Variants in COL7A1 observed in about 807,000 individuals in gnomAD.
The protein encoded by COL7A1 is collagen type VII alpha 1 chain.
In COL7A1, 296 loss-of-function variants were observed where a neutral mutation model predicts 456.2. The ratio of observed to expected loss-of-function variants is 0.65; its 90% confidence interval spans 0.59 to 0.71. COL7A1 has a LOEUF of 0.71. Ranked by LOEUF, COL7A1 falls within the 30% of genes least tolerant of loss-of-function variation. The pLI is 0.00. For synonymous variants in COL7A1, 1,464 were observed against 1,525.9 expected, an observed-to-expected ratio of 0.96 and a Z score of 0.95; for missense variants, 3,441 against 4,017.2, an observed-to-expected ratio of 0.86 and a Z score of 3.88.
rs746545309 is a variant in COL7A1, at chr3:48,574,305, C to A, written c.6458G>T (p.Gly2153Val). The change falls in exon 80 of 119, where the codon GGT becomes GTT. Residue 2153 changes from glycine to valine, a missense_variant and splice_region_variant. Physicochemically the swap from Gly to Val is moderately radical, Grantham distance 109 (BLOSUM62 -3). This residue lies in a region of COL7A1 where 2,084 missense variants were observed against 2,501.3 expected (regional missense o/e 0.83). Coordinates refer to ENST00000681320, the MANE Select transcript of COL7A1 (RefSeq NM_000094.4). The surrounding 1 kb of genome is among the most constrained non-coding windows in gnomAD (Gnocchi z 5.0). ...AGCCATACCACGCTCTCCTGGTAGA[C>A]CCTGCAGAGAATAGGTTTAAGGCCT... ...PGPRGQDGNP[G>V]LPGERGMAGP... 1.2e-6 allele frequency: 2 copies of A among 1,614,174 alleles called. No individual in the cohort carries two copies. The highest frequency in any genetic ancestry group is 1.7e-5 in the Admixed American group (1 of 60,026).
At position 48,575,771 on chromosome 3, in the gene COL7A1, A is replaced by G. The variant is rs374728682; in HGVS notation, c.5857-23T>C. ...TGCCTGAGGGACAGCAAGAGGTCAG[A>G]GGAGCGGGGTGCGTCGCCGCAGCCC... On this transcript the variant is annotated intron_variant, in intron 72 of 118. Transcript: ENST00000681320. The surrounding 1 kb of genome is among the most constrained non-coding windows in gnomAD (Gnocchi z 6.3). The G allele has an allele frequency of 6.2e-7, 1 of 1,614,062 alleles. No homozygotes were observed. The highest frequency in any genetic ancestry group is 1.1e-5 in the South Asian group (1 of 91,086).
Position 48,568,211 on chromosome 3 carries a change from T to A in COL7A1, c.7795-41A>T, listed in dbSNP as rs368184263. The A allele has an allele frequency of 1.7e-5, 28 of 1,601,684 alleles. No homozygotes were observed. The African/African-American group carries it at 3.3e-4, about 19-fold the overall frequency. ...TCCATGTGAGGTCAGAGGAGGTCAG[T>A]GAGGGACCAAAGAGAATCGCCCTGG... On this transcript the variant is annotated intron_variant, in intron 105 of 118. Transcript: ENST00000681320. The surrounding 1 kb of genome is among the most constrained non-coding windows in gnomAD (Gnocchi z 5.2).
In COL7A1 at chr3:48,569,350, G is replaced by C. The variant is rs1430281746; in HGVS notation, c.7686+25C>G. 1 of 1,613,396 alleles carries C rather than the reference G, an allele frequency of 6.2e-7. No homozygotes were observed. Among genetic ancestry groups the C allele is most frequent in the East Asian group, 2.2e-5 (1 of 44,882 alleles). ...CACCACAGCCACAGGACCCCACAGAGAGTACACCACCCTCTTCCCTGTACC... is the reference window on the plus strand; with the variant it reads ...CACCACAGCCACAGGACCCCACAGACAGTACACCACCCTCTTCCCTGTACC... On this transcript the variant is annotated intron_variant, in intron 103 of 118. Coordinates refer to ENST00000681320, the MANE Select transcript of COL7A1 (RefSeq NM_000094.4). The surrounding 1 kb of genome is among the most constrained non-coding windows in gnomAD (Gnocchi z 4.9).
In COL7A1 at chr3:48,590,926, T is replaced by G; in HGVS notation, c.1637-110A>C. 2.6e-5 allele frequency: 24 copies of G among 939,506 alleles called. No individual in the cohort carries two copies. The highest frequency in any genetic ancestry group is 3.4e-5 in the African/African-American group (2 of 58,088). The allele number at this position is 939,506 out of a possible 1,614,324, so 58.2% of individuals were successfully genotyped here. A position where few individuals can be genotyped will look rare whatever the true frequency, so the allele number is the denominator to read the frequency against. Reference sequence around the variant, plus strand: ...GTGAGAAGGGCCATGGGGGTGGGGATGTGGGGTGGTGGGGACCAGAGAGCT... The same window carrying G: ...GTGAGAAGGGCCATGGGGGTGGGGAGGTGGGGTGGTGGGGACCAGAGAGCT... On this transcript the variant is annotated intron_variant, in intron 13 of 118. Coordinates refer to ENST00000681320, the MANE Select transcript of COL7A1 (RefSeq NM_000094.4). The surrounding 1 kb of genome is among the most constrained non-coding windows in gnomAD (Gnocchi z 4.6).
chr3:48,572,361 T>A lies in COL7A1; in HGVS notation c.6978+19A>T. 6.2e-7 allele frequency: 1 copy of A among 1,614,020 alleles called. No homozygotes were observed. The highest frequency in any genetic ancestry group is 1.1e-5 in the South Asian group (1 of 91,084). On this transcript the variant is annotated intron_variant, in intron 90 of 118. Transcript: ENST00000681320. This position sits in a 1 kb window ranked among gnomAD's most constrained non-coding sequence, Gnocchi z 4.6. Reference sequence around the variant, plus strand: ...GACAGGACCCCCAGAACATCTGCTGTCAGAAGTTCCCTACTTACCGGCTCA... The same window carrying A: ...GACAGGACCCCCAGAACATCTGCTGACAGAAGTTCCCTACTTACCGGCTCA...
intron 37 of COL7A1, 87 bp downstream of exon 37, chr3:48,584,211 C>T: frequency 1.9e-6 from 3 of 1,547,472 alleles, no homozygotes; most frequent in Non-Finnish European, 2.6e-6. Context: ...CAAAGGGTCA[C>T]AAGGGCCAGA....
rs767581948 is a variant in COL7A1, at chr3:48,572,054, A to G, written c.7024-9T>C. 6 of 1,612,954 alleles carry G rather than the reference A, an allele frequency of 3.7e-6. No individual in the cohort carries two copies. The highest frequency in any genetic ancestry group is 5.1e-6 in the Non-Finnish European group (6 of 1,179,566). On this transcript the variant is annotated splice_polypyrimidine_tract_variant and intron_variant, in intron 91 of 118. Coordinates refer to ENST00000681320, the MANE Select transcript of COL7A1 (RefSeq NM_000094.4). This position sits in a 1 kb window ranked among gnomAD's most constrained non-coding sequence, Gnocchi z 4.6. The stretch of plus-strand genomic sequence containing the variant: ...GCACGGCCAGCTTCACCCTGCACAG[A>G]ATGGCAGGTGAGGGGTGTCTGGACT...
In COL7A1 at chr3:48,579,176, G is replaced by A. The variant is rs757363875; in HGVS notation, c.5388+21C>T. 1.2e-6 allele frequency: 2 copies of A among 1,612,242 alleles called. No homozygotes were observed. The highest frequency in any genetic ancestry group is 8.5e-7 in the Non-Finnish European group (1 of 1,179,622). ...AAGGGGTAGGGGAAGGGGACAACCA[G>A]GCAGGACTACCAAGACTCACATTCG... On this transcript the variant is annotated intron_variant, in intron 62 of 118. Coordinates refer to ENST00000681320, the MANE Select transcript of COL7A1 (RefSeq NM_000094.4). This position sits in a 1 kb window ranked among gnomAD's most constrained non-coding sequence, Gnocchi z 4.4.
In COL7A1 at chr3:48,564,708, C is replaced by T; in HGVS notation, c.8818+75G>A. Reference sequence around the variant, plus strand: ...AGGACCCTGACCTGGAACCCTGGCCCAAGGACTCCTCCCCCAGAACCCGAT... The same window carrying T: ...AGGACCCTGACCTGGAACCCTGGCCTAAGGACTCCTCCCCCAGAACCCGAT... On this transcript the variant is annotated intron_variant, in intron 118 of 118. Coordinates refer to ENST00000681320, the MANE Select transcript of COL7A1 (RefSeq NM_000094.4). This position sits in a 1 kb window ranked among gnomAD's most constrained non-coding sequence, Gnocchi z 6.0. The T allele has an allele frequency of 1.3e-6, 2 of 1,509,200 alleles. No homozygotes were observed. Among genetic ancestry groups the T allele is most frequent in the Non-Finnish European group, 9.0e-7 (1 of 1,111,834 alleles). The allele number at this position is 1,509,200 out of a possible 1,614,324, so 93.5% of individuals were successfully genotyped here.
In COL7A1 at chr3:48,580,866, C is replaced by G. The variant is rs750246078; in HGVS notation, c.4980+16G>C. ...ACCTCCCATCACCCCTGTTACTTCT[C>G]TCTGCCAAGACTCACCCGAAGGCCA... On this transcript the variant is annotated intron_variant, in intron 54 of 118. Transcript: ENST00000681320. This position sits in a 1 kb window ranked among gnomAD's most constrained non-coding sequence, Gnocchi z 4.5. The G allele has an allele frequency of 9.9e-6, 16 of 1,614,134 alleles. No homozygotes were observed. The highest frequency in any genetic ancestry group is 1.4e-5 in the Non-Finnish European group (16 of 1,180,040).
At position 48,567,613 on chromosome 3, in the gene COL7A1, C is replaced by A; in HGVS notation, c.8007G>T (p.Gln2669His). ...GGCCCTCCTTGCCAGGGGCCCCCGACTGGCCCGGCACACCAGGCTCCCCCT... is the reference window on the plus strand; with the variant it reads ...GGCCCTCCTTGCCAGGGGCCCCCGAATGGCCCGGCACACCAGGCTCCCCCT... ...GEMGEPGVPGQSGAPGKEGLI... is the reference protein window; with the variant it reads ...GEMGEPGVPGHSGAPGKEGLI... The change falls in exon 109 of 119, where the codon CAG (glutamine) becomes CAT (histidine). Residue 2669 changes from glutamine (Q) to histidine (H), a missense_variant. This residue lies in a region of COL7A1 where 2,084 missense variants were observed against 2,501.3 expected (regional missense o/e 0.83). Coordinates refer to ENST00000681320, the MANE Select transcript of COL7A1 (RefSeq NM_000094.4). This position sits in a 1 kb window ranked among gnomAD's most constrained non-coding sequence, Gnocchi z 4.3. 1.2e-6 allele frequency: 2 copies of A among 1,614,104 alleles called. No individual in the cohort carries two copies. Among genetic ancestry groups the A allele is most frequent in the Non-Finnish European group, 1.7e-6 (2 of 1,180,018 alleles).
rs561664783 is a variant in COL7A1 at position 48,574,562 on chromosome 3, G to A, written c.6394-12C>T. 4 of 1,613,920 alleles carry A rather than the reference G, an allele frequency of 2.5e-6. No homozygotes were observed. The African/African-American group carries it at 4.0e-5, about 16-fold the overall frequency. ...ATGCCTGGCACACCCTGAAGGCAGA[G>A]TGTCGTGCCCTGAGCCCCCAGTCCC... On this transcript the variant is annotated splice_polypyrimidine_tract_variant and intron_variant, in intron 78 of 118. Coordinates refer to ENST00000681320, the MANE Select transcript of COL7A1 (RefSeq NM_000094.4). This position sits in a 1 kb window ranked among gnomAD's most constrained non-coding sequence, Gnocchi z 5.0.
chr3:48,581,906 C>T lies in COL7A1; in HGVS notation c.4668+5G>A. The T allele has an allele frequency of 2.5e-6, 4 of 1,614,086 alleles. No individual in the cohort carries two copies. Among genetic ancestry groups the T allele is most frequent in the Non-Finnish European group, 3.4e-6 (4 of 1,180,026 alleles). On this transcript the variant is annotated splice_donor_5th_base_variant and intron_variant, in intron 48 of 118. Transcript: ENST00000681320. The surrounding 1 kb of genome is among the most constrained non-coding windows in gnomAD (Gnocchi z 5.8). Reference sequence around the variant, plus strand: ...AAACCTCCCCTTGCCCCATACCAGGCTTACCTTTTCTCCTTTGGGTCCAGC... The same window carrying T: ...AAACCTCCCCTTGCCCCATACCAGGTTTACCTTTTCTCCTTTGGGTCCAGC...
chr3:48,567,730 C>T lies in COL7A1; in HGVS notation c.7963G>A (p.Ala2655Thr). Residue 2655 changes from alanine to threonine, a missense_variant, in exon 108 of 119, where the codon GCA becomes ACA. By Grantham distance (58) the Ala-to-Thr change is moderately conservative. This residue lies in a region of COL7A1 where 2,084 missense variants were observed against 2,501.3 expected (regional missense o/e 0.83). Coordinates refer to ENST00000681320, the MANE Select transcript of COL7A1 (RefSeq NM_000094.4). The surrounding 1 kb of genome is among the most constrained non-coding windows in gnomAD (Gnocchi z 4.3). ...EAGPPGRPGL[A>T]GHKGEMGEPG... is the part of the protein sequence containing the mutation. Reference sequence around the variant, plus strand: ...CTCACCATCTCTCCTTTGTGTCCTGCCAGCCCGGGGCGGCCTGGGGGACCA... The same window carrying T: ...CTCACCATCTCTCCTTTGTGTCCTGTCAGCCCGGGGCGGCCTGGGGGACCA... The T allele has an allele frequency of 6.2e-7, 1 of 1,614,154 alleles. No homozygotes were observed. Among genetic ancestry groups the T allele is most frequent in the South Asian group, 1.1e-5 (1 of 91,084 alleles).
chr3:48,582,066 C>G, intron 47 of COL7A1, 123 bp from the exon 48 acceptor site: 1 of 1,430,632 alleles, frequency 7.0e-7, no homozygotes, highest in South Asian at 1.2e-5. Flanking sequence ...CCAGAAGTCA[C>G]AGAGTCACCG....
At position 48,573,736 on chromosome 3, in the gene COL7A1, GA is replaced by G; in HGVS notation, c.6538-12del. The G allele has an allele frequency of 6.2e-7, 1 of 1,613,580 alleles. No individual in the cohort carries two copies. Among genetic ancestry groups the G allele is most frequent in the Non-Finnish European group, 8.5e-7 (1 of 1,179,796 alleles). Reference sequence around the variant, plus strand: ...GTCTCCATGACCACCCTGTTGTGGCGAAAAAGAGTCTGATGAGGGGGAGTTA... The same window carrying G: ...GTCTCCATGACCACCCTGTTGTGGCGAAAAGAGTCTGATGAGGGGGAGTTA... On this transcript the variant is annotated splice_polypyrimidine_tract_variant and intron_variant, in intron 81 of 118. Transcript: ENST00000681320. The surrounding 1 kb of genome is among the most constrained non-coding windows in gnomAD (Gnocchi z 5.5).
At chr3:48,589,929 G>A (rs1312817866) in intron 16 of COL7A1, among the ~76,000 whole-genome samples, 5 of 152,022 alleles carry the variant, frequency 3.3e-5, no homozygotes, top group African/African-American at 1.2e-4. Context: ...AGGAGATTTG[G>A]GTCCAGCAAA....
At position 48,566,473 on chromosome 3, in the gene COL7A1, C is replaced by CCCAGGCCCTCCCAGGCCCAT. The variant is rs759227524; in HGVS notation, c.8358+17_8358+36dup. The CCCAGGCCCTCCCAGGCCCAT allele has an allele frequency of 4.3e-6, 7 of 1,611,196 alleles. No individual in the cohort carries two copies. In the South Asian group the frequency reaches 7.7e-5, roughly 18 times the overall value. On this transcript the variant is annotated intron_variant, in intron 113 of 118. Transcript: ENST00000681320. This position sits in a 1 kb window ranked among gnomAD's most constrained non-coding sequence, Gnocchi z 5.9. ...TAGGGCCCCAGCCCACCCAGGCCCA[C>CCCAGGCCCTCCCAGGCCCAT]CCAGGCCCTCCCAGGCCCATCCAGG...
In COL7A1 at chr3:48,570,168, C is replaced by G; in HGVS notation, c.7451G>C (p.Gly2484Ala). 1 of 1,614,154 alleles carries G rather than the reference C, an allele frequency of 6.2e-7. No individual in the cohort carries two copies. The highest frequency in any genetic ancestry group is 8.5e-7 in the Non-Finnish European group (1 of 1,180,010). The part of the protein sequence containing the change: ...RGEPGIRGED[G>A]RPGQEGPRGL... ...TCGGGGTCCCTCCTGGCCGGGGCGGCCATCTTCACCCTGGATGGTGACATT... is the reference window on the plus strand; with the variant it reads ...TCGGGGTCCCTCCTGGCCGGGGCGGGCATCTTCACCCTGGATGGTGACATT... The change falls in exon 99 of 119, where the codon GGC (glycine) becomes GCC (alanine). Residue 2484 changes from glycine (G) to alanine (A), a missense_variant. Coordinates refer to ENST00000681320, the MANE Select transcript of COL7A1 (RefSeq NM_000094.4). This position sits in a 1 kb window ranked among gnomAD's most constrained non-coding sequence, Gnocchi z 5.5.
Sources: allele counts gnomAD v4.1 joint callset (sites outside exome capture counted in the v4.1 genomes callset), GRCh38; gene constraint gnomAD v4.1.1; regional missense constraint gnomAD v4.1.1; non-coding constraint Gnocchi (gnomAD v3.1); transcripts MANE v1.5; gene names NCBI Gene and HGNC (gene_info 2026-07-23, HGNC 2026-07-21).